Variants in ATOSA observed in about 807,000 individuals in gnomAD.
ATOSA encodes the protein atos homolog A.
the ATOSA span, among the ~76,000 whole-genome samples, chr15:52,589,838 A>G: frequency 1.3e-5 from 2 of 151,472 alleles, no homozygotes; most frequent in Non-Finnish European, 2.9e-5. Context: ...TCCAGACTGG[A>G]GTGCAGTGAC....
the ATOSA span, among the ~76,000 whole-genome samples, chr15:52,605,905 A>G: frequency 6.6e-6 from 1 of 152,108 alleles, no homozygotes; most frequent in African/African-American, 2.4e-5. Context: ...TTTCCTATAC[A>G]TACCTATCCT....
the ATOSA span, among the ~76,000 whole-genome samples, chr15:52,636,176 TAAAATA>T: frequency 6.8e-6 from 1 of 147,120 alleles, no homozygotes; most frequent in East Asian, 2.0e-4. Context: ...AATAAATAAA[TAAAATA>T]AAAATAAGGA....
chr15:52,627,021 G>A, the ATOSA span, among the ~76,000 whole-genome samples: 5 of 152,048 alleles, frequency 3.3e-5, no homozygotes, highest in Non-Finnish European at 5.9e-5. Context: ...CTTTCCTGCC[G>A]GAATGCTCTT....
the ATOSA span, chr15:52,652,044 G>A: frequency 1.3e-6 from 2 of 1,482,440 alleles, no homozygotes; most frequent in Non-Finnish European, 1.8e-6. Flanking sequence ...TCCGTGTAAG[G>A]TTTTTCACAA....
At chr15:52,611,008 A>G in the ATOSA span, 1 of 1,196,166 alleles carries the variant, frequency 8.4e-7, no homozygotes, top group Non-Finnish European at 1.1e-6. Context: ...AAACCTCAGT[A>G]AATTTTATCC....
the ATOSA span, among the ~76,000 whole-genome samples, chr15:52,594,977 C>T: frequency 1.3e-5 from 2 of 152,220 alleles, no homozygotes; most frequent in Non-Finnish European, 2.9e-5. Context: ...TCTCTCCCAA[C>T]ATATACAGAG....
At chr15:52,586,987 C>T in the ATOSA span, 1 of 1,400,782 alleles carries the variant, frequency 7.1e-7, no homozygotes, top group Non-Finnish European at 9.5e-7. Flanking sequence ...TTATGGAGGT[C>T]CCCAAATGGT....
At chr15:52,615,355 A>T in the ATOSA span, among the ~76,000 whole-genome samples, 1 of 152,248 alleles carries the variant, frequency 6.6e-6, no homozygotes, top group Non-Finnish European at 1.5e-5. Context: ...AAGTGCACAC[A>T]CTATTCAATT....
chr15:52,649,150 C>A, the ATOSA span, among the ~76,000 whole-genome samples: 5 of 152,108 alleles, frequency 3.3e-5, no homozygotes, highest in Admixed American at 2.6e-4. Context: ...TGCAAAAACA[C>A]TGTCGATATG....
At chr15:52,676,936 T>C in the ATOSA span, among the ~76,000 whole-genome samples, 1 of 152,208 alleles carries the variant, frequency 6.6e-6, no homozygotes, top group African/African-American at 2.4e-5. Context: ...TCAGGAGCAA[T>C]ACACTTACTA....
chr15:52,615,776 T>C, the ATOSA span, among the ~76,000 whole-genome samples: 1 of 152,356 alleles, frequency 6.6e-6, no homozygotes, highest in Admixed American at 6.5e-5. Flanking sequence ...ATTTGGAACA[T>C]ATAAAATGAC....
the ATOSA span, among the ~76,000 whole-genome samples, chr15:52,650,710 C>T: frequency 6.6e-6 from 1 of 152,106 alleles, no homozygotes; most frequent in Non-Finnish European, 1.5e-5. Flanking sequence ...GATAACAAAG[C>T]CCTAATATTA....
At chr15:52,684,408 G>A in the ATOSA span, among the ~76,000 whole-genome samples, 1 of 152,154 alleles carries the variant, frequency 6.6e-6, no homozygotes. Context: ...ACGATGGCAT[G>A]AACCTGTAGT....
the ATOSA span, among the ~76,000 whole-genome samples, chr15:52,700,910 C>T: frequency 6.6e-6 from 1 of 152,082 alleles, no homozygotes; most frequent in African/African-American, 2.4e-5. Context: ...GTCAGTTCCC[C>T]CTAAGTTAAC....
chr15:52,680,600 C>T, the ATOSA span, among the ~76,000 whole-genome samples: 1 of 152,078 alleles, frequency 6.6e-6, no homozygotes, highest in Non-Finnish European at 1.5e-5. Flanking sequence ...GTAACATTTT[C>T]TAGTGCTTAG....
At chr15:52,695,583 A>G in the ATOSA span, among the ~76,000 whole-genome samples, 7 of 152,350 alleles carry the variant, frequency 4.6e-5, no homozygotes, top group East Asian at 1.3e-3. Flanking sequence ...CAGTGAACAA[A>G]AAGAATCTTG....
At chr15:52,636,083 AAAT>A in the ATOSA span, among the ~76,000 whole-genome samples, 41 of 146,462 alleles carry the variant, frequency 2.8e-4, no homozygotes, top group African/African-American at 4.7e-4. Context: ...TATTAAATTA[AAAT>A]AATAAAATTA....
At chr15:52,618,022 T>C in the ATOSA span, among the ~76,000 whole-genome samples, 1 of 139,108 alleles carries the variant, frequency 7.2e-6, no homozygotes, top group Non-Finnish European at 1.5e-5. Flanking sequence ...GGCTAAAAAC[T>C]CATCATTCCC....
chr15:52,675,548 T>C, the ATOSA span, among the ~76,000 whole-genome samples: 1 of 152,240 alleles, frequency 6.6e-6, no homozygotes, highest in African/African-American at 2.4e-5. Flanking sequence ...TACATTAAAA[T>C]CCACACTTTA....
Sources: allele counts gnomAD v4.1 joint callset (sites outside exome capture counted in the v4.1 genomes callset), GRCh38; gene constraint gnomAD v4.1.1; transcripts MANE v1.5; gene names NCBI Gene and HGNC (gene_info 2026-07-23, HGNC 2026-07-21).